The following CFAP44 variants were observed in gnomAD, a reference collection of about 807,000 sequenced individuals.
The protein encoded by CFAP44 is cilia and flagella associated protein 44.
In CFAP44, 134 loss-of-function variants were observed where a neutral mutation model predicts 216.2. That is an observed-to-expected ratio of 0.62 (90% CI 0.54 to 0.72). The LOEUF is 0.72. Ranked by LOEUF, CFAP44 falls within the 30% of genes least tolerant of loss-of-function variation. The pLI, the probability that CFAP44 is intolerant of heterozygous loss-of-function variation, is 0.00. For missense variants in CFAP44, 2,035 were observed against 2,182.1 expected (o/e 0.93, Z 1.34); for synonymous variants, 700 against 727.6 (o/e 0.96, Z 0.61).
At chr3:113,388,635 T>C (rs1413018324) in intron 15 of CFAP44, among the ~76,000 whole-genome samples, 2 of 152,186 alleles carry the variant, frequency 1.3e-5, no homozygotes, top group African/African-American at 4.8e-5. Flanking sequence ...CAGTGATCTG[T>C]TGCCTACAAG....
Position 113,297,593 on chromosome 3 carries a change from T to C in CFAP44, c.5078-708A>G, listed in dbSNP as rs560123865. ...TATTATCAGATGTGCTGTCTTTCCA[T>C]GGAGGCTTTCCCTGCCTCCCATGGA... On this transcript the variant is annotated intron_variant, in intron 32 of 34. Coordinates refer to ENST00000393845, the MANE Select transcript of CFAP44 (RefSeq NM_001164496.2). Among the ~76,000 whole-genome samples, 8 of 152,230 alleles carry C rather than the reference T, an allele frequency of 5.3e-5. 1 individual carries two copies. The highest frequency in any genetic ancestry group is 1.2e-4 in the Non-Finnish European group (8 of 68,042).
At position 113,409,013 on chromosome 3, in the gene CFAP44, A is replaced by AG; in HGVS notation, c.890+92_890+93insC. On this transcript the variant is annotated intron_variant, in intron 7 of 34. Coordinates refer to ENST00000393845, the MANE Select transcript of CFAP44 (RefSeq NM_001164496.2). ...TAATGTTAACCAAAACAGCAAAAAAAAAAAAAAAAAAAAAAAGTCTCCAGC... is the reference window on the plus strand; with the variant it reads ...TAATGTTAACCAAAACAGCAAAAAAAGAAAAAAAAAAAAAAAAGTCTCCAGC... 4.2e-6 allele frequency: 3 copies of AG among 716,988 alleles called. No homozygotes were observed. The East Asian group carries it at 9.5e-5, about 23-fold the overall frequency. 44.4% of individuals were successfully genotyped at this position (716,988 alleles called of 1,614,324 possible).
intron 24 of CFAP44, among the ~76,000 whole-genome samples, chr3:113,338,465 G>A (rs78044280): frequency 0.029 from 4,380 of 151,952 alleles, 110 homozygotes; most frequent in East Asian, 0.1. Context: ...AAAAAGACAC[G>A]AAGAGTCATG....
chr3:113,409,595 C>T (rs1180226038), intron 6 of CFAP44, among the ~76,000 whole-genome samples: 1 of 152,056 alleles, frequency 6.6e-6, no homozygotes, highest in Non-Finnish European at 1.5e-5. Context: ...AACACAAACG[C>T]ATATTAGATA....
intron 21 of CFAP44, among the ~76,000 whole-genome samples, chr3:113,361,957 A>C (rs1175712327): frequency 6.6e-6 from 1 of 151,934 alleles, no homozygotes; most frequent in Admixed American, 6.6e-5. Context: ...AAGTGTTATA[A>C]GATTAAATGC....
intron 22 of CFAP44, among the ~76,000 whole-genome samples, chr3:113,345,045 A>C: frequency 6.7e-6 from 1 of 149,098 alleles, no homozygotes; most frequent in East Asian, 1.9e-4. Flanking sequence ...GAGGAAATAG[A>C]ATCCATCTCC....
chr3:113,399,566 C>A, intron 13 of CFAP44, among the ~76,000 whole-genome samples: 1 of 152,038 alleles, frequency 6.6e-6, no homozygotes, highest in East Asian at 1.9e-4. Flanking sequence ...TAAAACAAGG[C>A]CTGGCACATT....
chr3:113,287,183 G>A lies in CFAP44; in HGVS notation c.*4374C>T, dbSNP rs1949767270. 5.0e-6 allele frequency: 2 copies of A among 397,898 alleles called. No individual in the cohort carries two copies. The highest frequency in any genetic ancestry group is 3.7e-5 in the South Asian group (2 of 53,762). The allele number at this position is 397,898 out of a possible 1,614,324, so 24.6% of individuals were successfully genotyped here. ...GAGGCTGCAGGAGGCCCACAGATAA[G>A]CTGGCAAGAGGAAGGATCCCAGGCA... On this transcript the variant is annotated 3_prime_UTR_variant, in exon 35 of 35. Coordinates refer to ENST00000393845, the MANE Select transcript of CFAP44 (RefSeq NM_001164496.2).
intron 18 of CFAP44, among the ~76,000 whole-genome samples, chr3:113,368,425 G>A (rs905195090): frequency 6.6e-6 from 1 of 152,108 alleles, no homozygotes; most frequent in Non-Finnish European, 1.5e-5. Context: ...AAGAGAGTGT[G>A]GGCCAATATT....
intron 1 of CFAP44, among the ~76,000 whole-genome samples, chr3:113,438,808 T>C (rs1278400516): frequency 6.6e-6 from 1 of 152,206 alleles, no homozygotes; most frequent in African/African-American, 2.4e-5. Context: ...TAGTTGGCTC[T>C]CATTTCTCTC....
Position 113,400,405 on chromosome 3 carries a change from A to G in CFAP44, c.1474+140T>C, listed in dbSNP as rs540107964. On this transcript the variant is annotated intron_variant, in intron 12 of 34. Transcript: ENST00000393845. ...CTGTGTTTTGTGGCCTCTCCTCTCC[A>G]CAGCTCAACTCGCTTGCATTCAAGA... 466 of 634,710 alleles carry G rather than the reference A, an allele frequency of 7.3e-4. 1 individual carries two copies. In the Middle Eastern group the frequency reaches 0.014, roughly 19 times the overall value. The allele number at this position is 634,710 out of a possible 1,614,324, so 39.3% of individuals were successfully genotyped here.
In CFAP44 at chr3:113,396,649, C is replaced by T. The variant is rs1272818598; in HGVS notation, c.1648G>A (p.Gly550Arg). Reference sequence around the variant, plus strand: ...TTCCGTCCCGCAAAAATCGTGAGCCCTTTTGGATCATAAAGTTCAAGAATT... The same window carrying T: ...TTCCGTCCCGCAAAAATCGTGAGCCTTTTTGGATCATAAAGTTCAAGAATT... Reference protein sequence around the residue: ...VRILELYDPKGLTIFAGRKKI... With the variant: ...VRILELYDPKRLTIFAGRKKI... Residue 550 changes from glycine to arginine, a missense_variant, in exon 14 of 35, where the codon GGG (glycine) becomes AGG (arginine). Coordinates refer to ENST00000393845, the MANE Select transcript of CFAP44 (RefSeq NM_001164496.2). 6.2e-7 allele frequency: 1 copy of T among 1,614,078 alleles called. No homozygotes were observed. Among genetic ancestry groups the T allele is most frequent in the Admixed American group, 1.7e-5 (1 of 60,000 alleles).
At chr3:113,356,180 T>C (rs1356381187) in intron 22 of CFAP44, among the ~76,000 whole-genome samples, 2 of 150,432 alleles carry the variant, frequency 1.3e-5, no homozygotes, top group Non-Finnish European at 3.0e-5. Flanking sequence ...TTTAGATATA[T>C]GGTTGTAACC....
chr3:113,375,680 G>A (rs557666901), intron 17 of CFAP44, among the ~76,000 whole-genome samples: 7 of 152,186 alleles, frequency 4.6e-5, no homozygotes, highest in Admixed American at 1.3e-4. Context: ...TTTTAACCAC[G>A]CGTGTTGGCA....
intron 6 of CFAP44, among the ~76,000 whole-genome samples, chr3:113,409,596 A>G (rs79233028): frequency 0.012 from 1,828 of 152,314 alleles, 40 homozygotes; most frequent in African/African-American, 0.041. Context: ...ACACAAACGC[A>G]TATTAGATAG....
intron 16 of CFAP44, 87 bp from the exon 17 acceptor site, chr3:113,379,638 A>G (rs1276420681): frequency 9.5e-7 from 1 of 1,056,972 alleles, no homozygotes; most frequent in Non-Finnish European, 1.3e-6. Flanking sequence ...GAAAATAGAA[A>G]GAAGATACAC....
intron 18 of CFAP44, among the ~76,000 whole-genome samples, chr3:113,368,837 A>G (rs1933048348): frequency 6.6e-6 from 1 of 152,240 alleles, no homozygotes. Flanking sequence ...TGCTGTATCC[A>G]GGAGACCCAT....
chr3:113,417,961 T>C (rs1347377556), intron 5 of CFAP44, among the ~76,000 whole-genome samples: 3 of 152,226 alleles, frequency 2.0e-5, no homozygotes, highest in African/African-American at 7.2e-5. Context: ...CTTCTAGGTC[T>C]TGTCTACAGT....
rs151318445 is a variant in CFAP44, at chr3:113,363,239, C to T, written c.2840G>A (p.Arg947Gln). The T allele has an allele frequency of 1.6e-4, 255 of 1,613,106 alleles. 2 individuals are homozygous for T. In the African/African-American group the frequency reaches 2.7e-3, roughly 17 times the overall value. Residue 947 changes from arginine to glutamine, a missense_variant, in exon 21 of 35, where the codon CGG (arginine) becomes CAG (glutamine). Transcript: ENST00000393845. ...CAAAGCTTTGATTTGCTCTCTCTTC[C>T]GTGCCTTTATTTCTCCCACTTCTTT... Reference protein sequence around the residue: ...LMKEVGEIKARKREQIKALRS... With the variant: ...LMKEVGEIKAQKREQIKALRS...
Sources: gnomAD v4.1 joint callset for allele counts (sites outside exome capture counted in the v4.1 genomes callset) on GRCh38, gnomAD v4.1.1 for gene constraint, MANE v1.5 for transcripts, NCBI Gene and HGNC (gene_info 2026-07-23, HGNC 2026-07-21) for gene names.